Variants in RHOBTB3 observed in about 807,000 individuals in gnomAD.
RHOBTB3 encodes the protein Rho related BTB domain containing 3.
Under a neutral mutation model 67.2 loss-of-function variants are expected in RHOBTB3, and 47 were observed. That is an observed-to-expected ratio of 0.70 (90% CI 0.55 to 0.89). The LOEUF (loss-of-function observed/expected upper bound fraction) is 0.89, where lower values mean the gene tolerates loss of function less well. RHOBTB3 is among the 40% of genes least tolerant of loss of function. RHOBTB3 has a pLI of 0.00. For missense variants in RHOBTB3, 631 were observed against 750.0 expected (o/e 0.84, Z 1.85); for synonymous variants, 273 against 274.2 (o/e 1.00, Z 0.04).
intron 4 of RHOBTB3, among the ~76,000 whole-genome samples, chr5:95,749,385 G>C (rs188592174): frequency 3.3e-5 from 5 of 152,280 alleles, no homozygotes; most frequent in African/African-American, 1.2e-4. Flanking sequence ...AATACCATTT[G>C]TGTAAATGGG....
At chr5:95,761,428 C>T (rs543794975) in intron 6 of RHOBTB3, among the ~76,000 whole-genome samples, 23 of 151,222 alleles carry the variant, frequency 1.5e-4, no homozygotes, top group East Asian at 3.9e-4. Flanking sequence ...CTGAAATCTC[C>T]GCCTCCTGGG....
At position 95,737,210 on chromosome 5, in the gene RHOBTB3, C is replaced by T. The variant is rs976350082; in HGVS notation, c.415+135C>T. On this transcript the variant is annotated intron_variant, in intron 3 of 11. Coordinates refer to ENST00000379982, the MANE Select transcript of RHOBTB3 (RefSeq NM_014899.4). ...ACTTTGGTTCAATGCCAGCTGCTAT[C>T]GCTTCATCATTTGATACGATAAAAA... The T allele has an allele frequency of 5.8e-5, 33 of 572,930 alleles. No individual in the cohort carries two copies. In the East Asian group the frequency reaches 6.4e-4, roughly 11 times the overall value. The allele number at this position is 572,930 out of a possible 1,614,324, so 35.5% of individuals were successfully genotyped here. A position where few individuals can be genotyped will look rare whatever the true frequency, so the allele number is the denominator to read the frequency against.
chr5:95,734,689 TC>T (rs1269712575), intron 2 of RHOBTB3, among the ~76,000 whole-genome samples: 1 of 152,242 alleles, frequency 6.6e-6, no homozygotes, highest in Non-Finnish European at 1.5e-5. Context: ...ATTTCACGTT[TC>T]TATATCTTTT....
rs1226062612 is a variant in RHOBTB3 at position 95,748,478 on chromosome 5, T to G, written c.561T>G (p.Phe187Leu). Reference sequence around the variant, plus strand: ...ATGACTTCTACATAGGAAAGTATTTTGGAGGAGTGGTAAGTGGAAATTCCT... The same window carrying G: ...ATGACTTCTACATAGGAAAGTATTTGGGAGGAGTGGTAAGTGGAAATTCCT... ...SLDDFYIGKY[F>L]GGVLEYFMIQ... The change falls in exon 4 of 12, where the codon TTT (phenylalanine) becomes TTG (leucine). Residue 187 changes from phenylalanine (F) to leucine (L), a missense_variant. Phe to Leu is a conservative substitution (Grantham distance 22). Transcript: ENST00000379982. 1 of 1,608,902 alleles carries G rather than the reference T, an allele frequency of 6.2e-7. No homozygotes were observed. The highest frequency in any genetic ancestry group is 1.3e-5 in the African/African-American group (1 of 74,928).
At chr5:95,729,562 G>T (rs975044765), upstream of RHOBTB3, among the ~76,000 whole-genome samples, 1 of 152,048 alleles carries the variant, frequency 6.6e-6, no homozygotes, top group South Asian at 2.1e-4. Flanking sequence ...ATGTTCTAGC[G>T]TTCAGTTCTA....
At chr5:95,765,757 G>A (rs180867065) in intron 7 of RHOBTB3, among the ~76,000 whole-genome samples, 4 of 152,322 alleles carry the variant, frequency 2.6e-5, no homozygotes, top group Non-Finnish European at 2.9e-5. Context: ...CGCCTCCCGG[G>A]TTCATGCCAT....
intron 2 of RHOBTB3, among the ~76,000 whole-genome samples, chr5:95,736,037 G>A (rs560832357): frequency 3.6e-4 from 55 of 152,240 alleles, no homozygotes; most frequent in Non-Finnish European, 6.8e-4. Flanking sequence ...GGGAGGTGGA[G>A]GCTGCAGTGA....
chr5:95,793,875 G>A lies in RHOBTB3; in HGVS notation c.*701G>A, dbSNP rs1337586102. The A allele has an allele frequency of 4.9e-6, 2 of 406,990 alleles. No homozygotes were observed. Among genetic ancestry groups the A allele is most frequent in the Non-Finnish European group, 9.8e-6 (2 of 205,056 alleles). 25.2% of individuals were successfully genotyped at this position (406,990 alleles called of 1,614,324 possible). On this transcript the variant is annotated 3_prime_UTR_variant, in exon 12 of 12. Transcript: ENST00000379982. ...AGAAGGACCCCACACTTGGTTCAAG[G>A]CTCTGCTATAGCGGAAATTCTTAAT... is the stretch of plus-strand genomic sequence containing the variant.
intron 11 of RHOBTB3, among the ~76,000 whole-genome samples, chr5:95,791,647 C>G (rs568821782): frequency 1.3e-5 from 2 of 152,154 alleles, no homozygotes; most frequent in South Asian, 4.2e-4. Context: ...TCTCCTGCCT[C>G]ATCCTCCTCA....
At chr5:95,773,957 A>G (rs1446846056) in intron 8 of RHOBTB3, among the ~76,000 whole-genome samples, 3 of 152,240 alleles carry the variant, frequency 2.0e-5, no homozygotes, top group Non-Finnish European at 2.9e-5. Flanking sequence ...TGACTCAGCA[A>G]ATCACCAATC....
In RHOBTB3 at chr5:95,763,079, G is replaced by GC. The variant is rs576272754; in HGVS notation, c.1049-428dup. On this transcript the variant is annotated intron_variant, in intron 6 of 11. Coordinates refer to ENST00000379982, the MANE Select transcript of RHOBTB3 (RefSeq NM_014899.4). ...TGAGACCTTCTGAATGCATTCTGTT[G>GC]CTGCTGCATGTTCCTCTACCTGATG... Among the ~76,000 whole-genome samples, 8 of 152,308 alleles carry GC rather than the reference G, an allele frequency of 5.3e-5. No individual in the cohort carries two copies. The East Asian group carries it at 1.5e-3, about 29-fold the overall frequency.
chr5:95,745,405 A>AT (rs1460893050), intron 3 of RHOBTB3, among the ~76,000 whole-genome samples: 4 of 152,022 alleles, frequency 2.6e-5, no homozygotes, highest in Admixed American at 6.6e-5. Context: ...TGAAAAGAGA[A>AT]TTTTTTTTCA....
chr5:95,770,427 C>T, intron 8 of RHOBTB3: 1 of 245,474 alleles, frequency 4.1e-6, no homozygotes. Flanking sequence ...ATTCAACATT[C>T]TGGCAGTGAC....
intron 3 of RHOBTB3, among the ~76,000 whole-genome samples, chr5:95,739,718 G>GT (rs1006255780): frequency 3.3e-5 from 5 of 151,938 alleles, no homozygotes; most frequent in African/African-American, 1.2e-4. Flanking sequence ...CACCCAGCCA[G>GT]TTTTTTTATA....
intron 8 of RHOBTB3, among the ~76,000 whole-genome samples, chr5:95,774,659 C>T (rs1488192421): frequency 6.6e-6 from 1 of 152,058 alleles, no homozygotes; most frequent in Non-Finnish European, 1.5e-5. Flanking sequence ...TTGTATATGT[C>T]CAGAAACATT....
chr5:95,775,392 G>A lies in RHOBTB3; in HGVS notation c.1283-4860G>A, dbSNP rs1189209666. On this transcript the variant is annotated intron_variant, in intron 8 of 11. Transcript: ENST00000379982. ...ATCCTAAACTATTAAGAATGTGTGT[G>A]TATATATATATGTGTATATATATAT... 3.4e-5 allele frequency among the ~76,000 whole-genome samples: 5 copies of A among 146,398 alleles called. No individual in the cohort carries two copies. In the South Asian group the frequency reaches 8.7e-4, roughly 25 times the overall value.
chr5:95,766,411 T>C (rs964907561), intron 7 of RHOBTB3, among the ~76,000 whole-genome samples: 3 of 151,940 alleles, frequency 2.0e-5, no homozygotes, highest in Non-Finnish European at 4.4e-5. Context: ...GAATAAAATA[T>C]GATATTTCAA....
chr5:95,752,411 AG>A, intron 5 of RHOBTB3, 61 bp downstream of exon 5: 1 of 1,080,302 alleles, frequency 9.3e-7, no homozygotes, highest in Non-Finnish European at 1.4e-6. Context: ...CCTTTCTCAC[AG>A]GTCTTAGAGC....
upstream of RHOBTB3, among the ~76,000 whole-genome samples, chr5:95,726,060 C>T (rs1053506346): frequency 6.6e-6 from 1 of 152,148 alleles, no homozygotes; most frequent in Admixed American, 6.5e-5. Context: ...AACAGAATTT[C>T]TCAAATACCA....
Sources: gnomAD v4.1 joint callset for allele counts (sites outside exome capture counted in the v4.1 genomes callset) on GRCh38, gnomAD v4.1.1 for gene constraint, MANE v1.5 for transcripts, NCBI Gene and HGNC (gene_info 2026-07-23, HGNC 2026-07-21) for gene names.